The following LINGO2 variants were observed in gnomAD, a reference collection of about 807,000 sequenced individuals.
The protein encoded by LINGO2 is leucine rich repeat and Ig domain containing 2.
Under a neutral mutation model 30.6 loss-of-function variants are expected in LINGO2, and 14 were observed. The ratio of observed to expected loss-of-function variants is 0.46; its 90% CI spans 0.30 to 0.72. The LOEUF is 0.72. LINGO2 is among the 30% of genes least tolerant of loss of function. LINGO2 has a pLI of 0.07. For synonymous variants in LINGO2, 317 were observed against 288.5 expected, an observed-to-expected ratio of 1.10 and a Z score of -1.00; for missense variants, 729 against 751.7, an observed-to-expected ratio of 0.97 and a Z score of 0.35.
At chr9:28,886,137 A>G in the LINGO2 span, among the ~76,000 whole-genome samples, 4 of 152,224 alleles carry the variant, frequency 2.6e-5, no homozygotes, top group Non-Finnish European at 5.9e-5. Context: ...AACTAAATCA[A>G]CGAGTTATGT....
At chr9:28,210,747 C>T (rs1820560856) in intron 4 of LINGO2, among the ~76,000 whole-genome samples, 1 of 151,470 alleles carries the variant, frequency 6.6e-6, no homozygotes, top group Non-Finnish European at 1.5e-5. Flanking sequence ...ATCCATGTTC[C>T]TGATACAAAT....
In LINGO2 at chr9:28,264,384, A is replaced by C. The variant is rs145088384; in HGVS notation, c.-87+30824T>G. ...AAAGGTATCTGTACATAAAAATATTATCTCTTAATAAAAGAAATACAATGG... is the reference window on the plus strand; with the variant it reads ...AAAGGTATCTGTACATAAAAATATTCTCTCTTAATAAAAGAAATACAATGG... On this transcript the variant is annotated intron_variant, in intron 4 of 5. Transcript: ENST00000379992. Among the ~76,000 whole-genome samples, 43 of 152,112 alleles carry C rather than the reference A, an allele frequency of 2.8e-4. No individual in the cohort carries two copies. In the East Asian group the frequency reaches 6.2e-3, roughly 22 times the overall value.
At chr9:28,785,673 A>G in the LINGO2 span, among the ~76,000 whole-genome samples, 1 of 75,838 alleles carries the variant, frequency 1.3e-5, no homozygotes. Flanking sequence ...TCTCTCCACA[A>G]ACACACACAC....
At chr9:29,172,765 AT>A in the LINGO2 span, among the ~76,000 whole-genome samples, 1 of 151,972 alleles carries the variant, frequency 6.6e-6, no homozygotes, top group Non-Finnish European at 1.5e-5. Context: ...AGAAAAAAAA[AT>A]AAAAGATCCA....
At chr9:28,730,172 G>A in the LINGO2 span, among the ~76,000 whole-genome samples, 2 of 152,074 alleles carry the variant, frequency 1.3e-5, no homozygotes, top group Non-Finnish European at 2.9e-5. Flanking sequence ...TCAAGAAACA[G>A]GGCAATAAAG....
the LINGO2 span, among the ~76,000 whole-genome samples, chr9:28,895,150 T>C: frequency 6.6e-6 from 1 of 152,126 alleles, no homozygotes. Flanking sequence ...AGTTGGGAGC[T>C]AATTACAATA....
At chr9:28,186,225 T>A (rs1457783903) in intron 4 of LINGO2, among the ~76,000 whole-genome samples, 1 of 152,142 alleles carries the variant, frequency 6.6e-6, no homozygotes, top group Non-Finnish European at 1.5e-5. Flanking sequence ...CTACACAAAC[T>A]GGTATTTCTT....
the LINGO2 span, among the ~76,000 whole-genome samples, chr9:28,843,892 TA>T: frequency 6.6e-6 from 1 of 151,844 alleles, no homozygotes; most frequent in Admixed American, 6.6e-5. Context: ...TTATTGGCTC[TA>T]CTTCTTACAG....
At chr9:28,357,325 C>CCA (rs1021634217) in intron 3 of LINGO2, among the ~76,000 whole-genome samples, 2 of 146,050 alleles carry the variant, frequency 1.4e-5, no homozygotes, top group South Asian at 2.3e-4. Flanking sequence ...GCCCACCCCC[C>CCA]CCAAAAAAGA....
chr9:28,647,884 T>C (rs1827909481), intron 1 of LINGO2, among the ~76,000 whole-genome samples: 1 of 143,792 alleles, frequency 7.0e-6, no homozygotes. Context: ...TATTTCTTTT[T>C]CTTTCTTTCT....
the LINGO2 span, among the ~76,000 whole-genome samples, chr9:28,793,240 T>A: frequency 3.3e-5 from 5 of 152,156 alleles, no homozygotes; most frequent in African/African-American, 1.2e-4. Context: ...CAATATTTTT[T>A]AAATTTTTTT....
chr9:27,966,994 T>C (rs997969334), intron 5 of LINGO2, among the ~76,000 whole-genome samples: 6 of 152,194 alleles, frequency 3.9e-5, no homozygotes, highest in Admixed American at 1.3e-4. Flanking sequence ...AAAACTGGAC[T>C]CTTTGAAGTG....
At chr9:28,730,741 T>C in the LINGO2 span, among the ~76,000 whole-genome samples, 42 of 152,214 alleles carry the variant, frequency 2.8e-4, no homozygotes, top group African/African-American at 9.9e-4. Flanking sequence ...TCAGTGTCAT[T>C]ACACATTAGG....
chr9:28,605,692 G>T (rs755502542), intron 1 of LINGO2, among the ~76,000 whole-genome samples: 13 of 151,924 alleles, frequency 8.6e-5, no homozygotes, highest in Non-Finnish European at 1.9e-4. Flanking sequence ...ACACAGAATG[G>T]AGTCAGGAAT....
chr9:28,717,954 G>T, the LINGO2 span, among the ~76,000 whole-genome samples: 4 of 151,936 alleles, frequency 2.6e-5, no homozygotes, highest in Non-Finnish European at 5.9e-5. Flanking sequence ...ATCCAGATTT[G>T]AAAGACAAGA....
At chr9:28,135,566 A>C (rs1827494758) in intron 4 of LINGO2, among the ~76,000 whole-genome samples, 5 of 151,990 alleles carry the variant, frequency 3.3e-5, no homozygotes, top group Admixed American at 3.3e-4. Context: ...TCATTCTTTT[A>C]AACCTTTCAA....
intron 4 of LINGO2, among the ~76,000 whole-genome samples, chr9:28,016,796 AG>A (rs1346203394): frequency 6.6e-6 from 1 of 152,014 alleles, no homozygotes; most frequent in East Asian, 1.9e-4. Context: ...TACGGAAAAT[AG>A]TCCAAAAAAT....
chr9:28,690,646 T>A, the LINGO2 span, among the ~76,000 whole-genome samples: 1 of 152,138 alleles, frequency 6.6e-6, no homozygotes, highest in African/African-American at 2.4e-5. Flanking sequence ...AAACACATGA[T>A]TTGTCTTTGG....
chr9:28,597,985 G>A (rs1416468734), intron 1 of LINGO2, among the ~76,000 whole-genome samples: 2 of 151,972 alleles, frequency 1.3e-5, no homozygotes, highest in Non-Finnish European at 2.9e-5. Context: ...GGCTGGTCTC[G>A]AACTCCAGGC....
Sources: gnomAD v4.1 joint callset for allele counts (sites outside exome capture counted in the v4.1 genomes callset) on GRCh38, gnomAD v4.1.1 for gene constraint, MANE v1.5 for transcripts, NCBI Gene and HGNC (gene_info 2026-07-23, HGNC 2026-07-21) for gene names.